ASTN1: variants seen among roughly 807,000 people sequenced by gnomAD.
The protein encoded by ASTN1 is astrotactin-1.
ASTN1 carries 41 observed loss-of-function variants against 140.7 expected under a neutral mutation model. The ratio of observed to expected loss-of-function variants is 0.29; its 90% CI spans 0.23 to 0.38. The LOEUF is 0.38. Ranked by LOEUF, ASTN1 falls within the 10% of genes least tolerant of loss-of-function variation. The pLI is 1.00. For missense variants in ASTN1, 1,479 were observed against 1,678.8 expected (o/e 0.88, Z 2.08); for synonymous variants, 640 against 652.2 (o/e 0.98, Z 0.29).
intron 8 of ASTN1, among the ~76,000 whole-genome samples, chr1:176,998,594 A>G (rs1674567359): frequency 6.6e-6 from 1 of 152,064 alleles, no homozygotes; most frequent in African/African-American, 2.4e-5. Flanking sequence ...TCATTACACA[A>G]CCTCTCAAAG....
chr1:177,017,261 A>T (rs1218709525), intron 7 of ASTN1, among the ~76,000 whole-genome samples: 1 of 152,226 alleles, frequency 6.6e-6, no homozygotes, highest in Non-Finnish European at 1.5e-5. Flanking sequence ...ACATAATGGC[A>T]GATGCAGCCC....
chr1:177,125,045 G>A (rs1387198613), intron 1 of ASTN1, among the ~76,000 whole-genome samples: 2 of 152,104 alleles, frequency 1.3e-5, no homozygotes, highest in African/African-American at 4.8e-5. Context: ...ATCTTAACAG[G>A]GCTTAAAATA....
chr1:177,084,865 T>C (rs1679352583), intron 1 of ASTN1, among the ~76,000 whole-genome samples: 1 of 152,224 alleles, frequency 6.6e-6, no homozygotes. Flanking sequence ...TGAATTTGTT[T>C]TTTCTCTTCA....
intron 22 of ASTN1, among the ~76,000 whole-genome samples, chr1:176,868,178 GC>G (rs1371431279): frequency 1.3e-5 from 2 of 152,282 alleles, no homozygotes; most frequent in African/African-American, 4.8e-5. Flanking sequence ...TCTCAAAGCA[GC>G]AATATACAGT....
At chr1:177,059,643 G>A (rs562951544) in intron 2 of ASTN1, among the ~76,000 whole-genome samples, 1 of 152,256 alleles carries the variant, frequency 6.6e-6, no homozygotes, top group South Asian at 2.1e-4. Flanking sequence ...TACTTACGGG[G>A]ACATGGGTTG....
chr1:176,876,715 C>T, intron 20 of ASTN1, 78 bp from the exon 21 acceptor site: 3 of 1,410,886 alleles, frequency 2.1e-6, no homozygotes, highest in Non-Finnish European at 2.9e-6. Context: ...AGCTCATGGC[C>T]CAGCTCTGCC....
intron 5 of ASTN1, 122 bp from the exon 6 acceptor site, chr1:177,024,854 G>C: frequency 9.0e-7 from 1 of 1,105,104 alleles, no homozygotes; most frequent in Non-Finnish European, 1.3e-6. Flanking sequence ...AGCCCATGGA[G>C]GGAACTGTCT....
chr1:177,032,705 A>G lies in ASTN1; in HGVS notation c.616T>C (p.Ser206Pro). The G allele has an allele frequency of 6.2e-7, 1 of 1,614,044 alleles. No homozygotes were observed. The highest frequency in any genetic ancestry group is 8.5e-7 in the Non-Finnish European group (1 of 1,180,030). The change falls in exon 3 of 23, where the codon TCT becomes CCT. Residue 206 changes from serine (S) to proline (P), a missense_variant. By Grantham distance (74) the Ser-to-Pro change is moderately conservative. Coordinates refer to ENST00000361833, the MANE Select transcript of ASTN1 (RefSeq NM_004319.3). ...EAANEIHYIPSVLIGGHGRES... is the reference protein window; with the variant it reads ...EAANEIHYIPPVLIGGHGRES... ...CGTCCGTGCCCGCCGATCAGCACAGAAGGAATGTAGTGAATCTCATTGGCT... is the reference window on the plus strand; with the variant it reads ...CGTCCGTGCCCGCCGATCAGCACAGGAGGAATGTAGTGAATCTCATTGGCT...
chr1:177,048,077 T>A (rs1677334405), intron 2 of ASTN1, among the ~76,000 whole-genome samples: 1 of 152,196 alleles, frequency 6.6e-6, no homozygotes, highest in Non-Finnish European at 1.5e-5. Context: ...CACTCTTAAC[T>A]TTTTTCATTA....
At position 176,894,636 on chromosome 1, in the gene ASTN1, C is replaced by T. The variant is rs143602916; in HGVS notation, c.2866G>A (p.Ala956Thr). The T allele has an allele frequency of 5.0e-6, 8 of 1,613,960 alleles. No homozygotes were observed. In the African/African-American group the frequency reaches 8.0e-5, roughly 16 times the overall value. ...CHVTSSPDTP[A>T]EPVLLEVTKA... Reference sequence around the variant, plus strand: ...GTCACCTCCAGCAGAACCGGCTCAGCAGGGGTGTCAGGGCTGGATGTCACA... The same window carrying T: ...GTCACCTCCAGCAGAACCGGCTCAGTAGGGGTGTCAGGGCTGGATGTCACA... Residue 956 changes from alanine to threonine, a missense_variant, in exon 17 of 23, where the codon GCT becomes ACT. Around this residue, in one of 3 missense-constraint regions of ASTN1, gnomAD observed 746 missense variants for 800.9 expected, o/e 0.93. Transcript: ENST00000361833.
At chr1:177,123,589 T>C (rs909270793) in intron 1 of ASTN1, among the ~76,000 whole-genome samples, 1 of 152,174 alleles carries the variant, frequency 6.6e-6, no homozygotes, top group Non-Finnish European at 1.5e-5. Flanking sequence ...CCACAGATCA[T>C]GGAAGGTGGA....
intron 8 of ASTN1, among the ~76,000 whole-genome samples, chr1:176,979,116 G>A (rs991865274): frequency 1.1e-4 from 17 of 152,150 alleles, no homozygotes; most frequent in Non-Finnish European, 2.2e-4. Flanking sequence ...TGGTGAAGGG[G>A]AGCCTCTCTG....
chr1:176,876,345 C>T (rs780004230), intron 21 of ASTN1, among the ~76,000 whole-genome samples, 192 bp downstream of exon 21: 5 of 152,106 alleles, frequency 3.3e-5, no homozygotes, highest in Middle Eastern at 3.2e-3. Flanking sequence ...TAATGCAATA[C>T]GATGAGGACT....
intron 1 of ASTN1, among the ~76,000 whole-genome samples, chr1:177,135,196 C>T (rs191136180): frequency 2.6e-5 from 4 of 152,226 alleles, no homozygotes; most frequent in Admixed American, 2.6e-4. Context: ...TTCATCACAT[C>T]AGTAGTGGCC....
At chr1:177,030,745 G>A (rs1571679020) in intron 4 of ASTN1, 61 bp downstream of exon 4, 1 of 1,594,696 alleles carries the variant, frequency 6.3e-7, no homozygotes, top group East Asian at 2.2e-5. Flanking sequence ...AGATATTAAT[G>A]GCCCTGCCTC....
chr1:176,943,475 T>C (rs1671825591), intron 14 of ASTN1, among the ~76,000 whole-genome samples: 1 of 152,178 alleles, frequency 6.6e-6, no homozygotes, highest in African/African-American at 2.4e-5. Flanking sequence ...ACTGTCATTT[T>C]CTATTTCCTC....
intron 1 of ASTN1, among the ~76,000 whole-genome samples, chr1:177,090,875 C>T (rs189396470): frequency 6.1e-5 from 9 of 148,750 alleles, no homozygotes; most frequent in East Asian, 6.0e-4. Context: ...TGTTCCTTGT[C>T]TTTCAACATG....
chr1:176,948,801 C>A (rs896132001), intron 12 of ASTN1, among the ~76,000 whole-genome samples: 1 of 152,198 alleles, frequency 6.6e-6, no homozygotes, highest in Admixed American at 6.5e-5. Context: ...GTTTTGCACA[C>A]TCTTTCCCGA....
chr1:176,892,050 T>C (rs1669290562), intron 17 of ASTN1, among the ~76,000 whole-genome samples: 1 of 152,064 alleles, frequency 6.6e-6, no homozygotes, highest in African/African-American at 2.4e-5. Flanking sequence ...TGAAGGGCCA[T>C]AAGCATGAGA....
Sources: gnomAD v4.1 joint callset for allele counts (sites outside exome capture counted in the v4.1 genomes callset) on GRCh38, gnomAD v4.1.1 for gene constraint, gnomAD v4.1.1 regional missense constraint, MANE v1.5 for transcripts, NCBI Gene and HGNC (gene_info 2026-07-23, HGNC 2026-07-21) for gene names.